The following CFD variants were observed in gnomAD, a reference collection of about 807,000 sequenced individuals.
The protein encoded by CFD is C3 convertase activator.
Under a neutral mutation model 21.1 loss-of-function variants are expected in CFD, and 24 were observed. The observed-to-expected ratio is 1.14, with a 90% CI of 0.82 to 1.60. The LOEUF (loss-of-function observed/expected upper bound fraction) is 1.60. Among genes scored for constraint, CFD ranks in the 40% most tolerant of loss-of-function variants. The probability of loss-of-function intolerance (pLI) is 0.00; values close to 1 mark genes in which losing one functional copy is unlikely to be tolerated. For synonymous variants in CFD, 242 were observed against 175.9 expected (o/e 1.38, Z -2.97); for missense variants, 535 against 383.3 (o/e 1.40, Z -3.31).
rs1414578072 is a variant in CFD at position 863,089 on chromosome 19, C to T, written c.616-3C>T. ...CCCTCACGGCCCCGTCCTGTTCCGG[C>T]AGGGTGACTCCGGGGGCCCGCTGGT... On this transcript the variant is annotated splice_region_variant and splice_polypyrimidine_tract_variant and intron_variant, in intron 4 of 4. Coordinates refer to ENST00000327726, the MANE Select transcript of CFD (RefSeq NM_001928.4). 3 of 1,520,966 alleles carry T rather than the reference C, an allele frequency of 2.0e-6. No homozygotes were observed. Among genetic ancestry groups the T allele is most frequent in the Non-Finnish European group, 2.6e-6 (3 of 1,135,484 alleles). 94.2% of individuals were successfully genotyped at this position (1,520,966 alleles called of 1,614,324 possible).
intron 4 of CFD, 66 bp downstream of exon 4, chr19:862,022 C>CGGGAA (rs1179015549): frequency 4.1e-6 from 6 of 1,475,502 alleles, no homozygotes; most frequent in Non-Finnish European, 4.5e-6. Flanking sequence ...GCAGAGGGAG[C>CGGGAA]GCGAAGCGGG....
At position 861,911 on chromosome 19, in the gene CFD, C is replaced by A; in HGVS notation, c.570C>A (p.Thr190=). Residue 190 remains threonine, a synonymous_variant, in exon 4 of 5, where the codon ACC becomes ACA. Transcript: ENST00000327726. ...NRRTHHDGAI[T]ERLMCAESNR... The stretch of plus-strand genomic sequence containing the variant: ...GCACGCACCACGACGGCGCCATCAC[C>A]GAGCGCTTGATGTGCGCGGAGAGCA... 1 of 1,574,138 alleles carries A rather than the reference C, an allele frequency of 6.4e-7. No individual in the cohort carries two copies. Among genetic ancestry groups the A allele is most frequent in the Non-Finnish European group, 8.6e-7 (1 of 1,167,254 alleles).
In CFD at chr19:860,503, G is replaced by T; in HGVS notation, c.56-114G>T. Reference sequence around the variant, plus strand: ...TTACAGGCGTGAGCCACCGCGCCCAGAGATGGGATTCTTGCGGGGAGCGGC... The same window carrying T: ...TTACAGGCGTGAGCCACCGCGCCCATAGATGGGATTCTTGCGGGGAGCGGC... On this transcript the variant is annotated intron_variant, in intron 1 of 4. Coordinates refer to ENST00000327726, the MANE Select transcript of CFD (RefSeq NM_001928.4). 5 of 982,182 alleles carry T rather than the reference G, an allele frequency of 5.1e-6. No homozygotes were observed. In the South Asian group the frequency reaches 1.0e-4, roughly 21 times the overall value. The allele number at this position is 982,182 out of a possible 1,614,324, so 60.8% of individuals were successfully genotyped here.
chr19:861,731 G>A lies in CFD; in HGVS notation c.390G>A (p.Val130=), dbSNP rs758032535. The change falls in exon 4 of 5, where the codon GTG becomes GTA. Residue 130 remains valine (V), a synonymous_variant. Coordinates refer to ENST00000327726, the MANE Select transcript of CFD (RefSeq NM_001928.4). ...LSEKATLGPA[V]RPLPWQRVDR... ...AGAAGGCCACACTGGGCCCTGCTGT[G>A]CGCCCCCTGCCCTGGCAGCGCGTGG... The A allele has an allele frequency of 5.0e-6, 8 of 1,604,280 alleles. No homozygotes were observed. In the Admixed American group the frequency reaches 6.7e-5, roughly 13 times the overall value.
At chr19:862,054 A>T in intron 4 of CFD, 98 bp downstream of exon 4, 15 of 947,270 alleles carry the variant, frequency 1.6e-5, no homozygotes, top group Non-Finnish European at 1.9e-5. Flanking sequence ...AACAGGGCCC[A>T]GGGAAGGGGC....
chr19:860,122 C>G (rs986150005), intron 1 of CFD, among the ~76,000 whole-genome samples: 87 of 152,194 alleles, frequency 5.7e-4, no homozygotes, highest in African/African-American at 2.1e-3. Context: ...TACTCTGGGG[C>G]ATTCCCGCCC....
chr19:861,011 C>T lies in CFD; in HGVS notation c.357+6C>T. On this transcript the variant is annotated splice_donor_region_variant and intron_variant, in intron 3 of 4. Transcript: ENST00000327726. ...ACGACCTCCTGCTGCTACAGGTCGG[C>T]CCCGTGTAGCGCAGTCCCTCCTGCG... The T allele has an allele frequency of 1.9e-6, 3 of 1,597,334 alleles. No individual in the cohort carries two copies. In the South Asian group the frequency reaches 3.3e-5, roughly 18 times the overall value.
At position 862,943 on chromosome 19, in the gene CFD, C is replaced by T. The variant is rs1365574016; in HGVS notation, c.616-149C>T. 5.0e-5 allele frequency: 39 copies of T among 773,722 alleles called. No individual in the cohort carries two copies. In the East Asian group the frequency reaches 9.6e-4, roughly 19 times the overall value. 47.9% of individuals were successfully genotyped at this position (773,722 alleles called of 1,614,324 possible). A position where few individuals can be genotyped will look rare whatever the true frequency, so the allele number is the denominator to read the frequency against. ...GTTGTGGCCTAGGCGATAGGCGTGGCGCGGGGCTATTGACTAGTGAAGACC... is the reference window on the plus strand; with the variant it reads ...GTTGTGGCCTAGGCGATAGGCGTGGTGCGGGGCTATTGACTAGTGAAGACC... On this transcript the variant is annotated intron_variant, in intron 4 of 4. Transcript: ENST00000327726.
At chr19:859,779 C>G (rs1023274077) in intron 1 of CFD, 35 bp downstream of exon 1, 5 of 1,513,910 alleles carry the variant, frequency 3.3e-6, no homozygotes, top group Non-Finnish European at 4.5e-6. Flanking sequence ...AGGGACAGGG[C>G]TGTGTAGGGG....
Position 863,291 on chromosome 19 carries a change from G to A in CFD, c.*53G>A. ...CCCAAGCAACAAAGTCCCGAGCAAT[G>A]AAGTCATCCACTCCTGCATCTGGTT... On this transcript the variant is annotated 3_prime_UTR_variant, in exon 5 of 5. Transcript: ENST00000327726. 6.5e-7 allele frequency: 1 copy of A among 1,538,740 alleles called. No homozygotes were observed. The highest frequency in any genetic ancestry group is 1.2e-5 in the South Asian group (1 of 84,260).
chr19:860,705 G>T lies in CFD; in HGVS notation c.144G>T (p.Ala48=), dbSNP rs1391309147. The T allele has an allele frequency of 3.2e-6, 5 of 1,556,740 alleles. No individual in the cohort carries two copies. The Admixed American group carries it at 9.2e-5, about 29-fold the overall frequency. ...TGGCGTCGGTGCAGCTGAACGGCGC[G>T]CACCTGTGCGGCGGCGTCCTGGTGG... The part of the protein sequence containing the change: ...PYMASVQLNG[A]HLCGGVLVAE... Residue 48 remains alanine, a synonymous_variant, in exon 2 of 5, where the codon GCG becomes GCT. Coordinates refer to ENST00000327726, the MANE Select transcript of CFD (RefSeq NM_001928.4).
rs183890975 is a variant in CFD at position 861,356 on chromosome 19, C to A, written c.358-343C>A. On this transcript the variant is annotated intron_variant, in intron 3 of 4. Transcript: ENST00000327726. ...ACCCTCACCCCGGGTCCAGCCTCGA[C>A]CTCTCCTGCTGCATGGGGACCCCGC... 2.1e-3 allele frequency among the ~76,000 whole-genome samples: 91 copies of A among 43,554 alleles called. 1 individual carries two copies. The highest frequency in any genetic ancestry group is 4.3e-3 in the African/African-American group (72 of 16,610). The allele number at this position is 43,554 out of a possible 152,430, so 28.6% of individuals were successfully genotyped here. A position where few individuals can be genotyped will look rare whatever the true frequency, so the allele number is the denominator to read the frequency against.
In CFD at chr19:860,923, A is replaced by G. The variant is rs779202734; in HGVS notation, c.275A>G (p.Lys92Arg). 67 of 1,599,994 alleles carry G rather than the reference A, an allele frequency of 4.2e-5. No homozygotes were observed. The highest frequency in any genetic ancestry group is 5.5e-5 in the Non-Finnish European group (65 of 1,178,536). Reference protein sequence around the residue: ...AHSLSQPEPSKRLYDVLRAVP... With the variant: ...AHSLSQPEPSRRLYDVLRAVP... ...TCCCTGTCGCAGCCGGAGCCCTCCA[A>G]GCGCCTGTACGACGTGCTCCGCGCA... The change falls in exon 3 of 5, where the codon AAG (lysine) becomes AGG (arginine). Residue 92 changes from lysine (K) to arginine (R), a missense_variant. By Grantham distance (26) the Lys-to-Arg change is conservative. Coordinates refer to ENST00000327726, the MANE Select transcript of CFD (RefSeq NM_001928.4).
intron 1 of CFD, among the ~76,000 whole-genome samples, chr19:860,197 CT>C (rs564736651): frequency 6.0e-4 from 87 of 145,844 alleles, no homozygotes; most frequent in Middle Eastern, 3.6e-3. Flanking sequence ...TTTTTTCTTT[CT>C]TTTTTTTTTT....
At chr19:859,794 G>GTGC in intron 1 of CFD, 50 bp downstream of exon 1, 1 of 1,427,088 alleles carries the variant, frequency 7.0e-7, no homozygotes, top group Non-Finnish European at 9.7e-7. Context: ...TAGGGGCGTG[G>GTGC]TGCTCCCTTC....
intron 4 of CFD, 50 bp from the exon 5 acceptor site, chr19:863,042 G>C (rs1426995304): frequency 4.7e-6 from 7 of 1,475,594 alleles, no homozygotes; most frequent in South Asian, 2.6e-5. Flanking sequence ...TAACACGTGA[G>C]GCCGGGGTGG....
Position 863,285 on chromosome 19 carries a change from A to G in CFD, c.*47A>G. On this transcript the variant is annotated 3_prime_UTR_variant, in exon 5 of 5. Transcript: ENST00000327726. ...GGGTCACCCAAGCAACAAAGTCCCG[A>G]GCAATGAAGTCATCCACTCCTGCAT... 1.9e-6 allele frequency: 3 copies of G among 1,541,446 alleles called. No individual in the cohort carries two copies. The highest frequency in any genetic ancestry group is 1.4e-5 in the African/African-American group (1 of 73,818).
Position 861,775 on chromosome 19 carries a change from G to A in CFD, c.434G>A (p.Gly145Glu). The A allele has an allele frequency of 6.2e-7, 1 of 1,605,904 alleles. No individual in the cohort carries two copies. Among genetic ancestry groups the A allele is most frequent in the Non-Finnish European group, 8.5e-7 (1 of 1,178,984 alleles). The change falls in exon 4 of 5, where the codon GGA (glycine) becomes GAA (glutamate). Residue 145 changes from glycine (G) to glutamate (E), a missense_variant. Physicochemically the swap from Gly to Glu is moderately conservative, Grantham distance 98. Coordinates refer to ENST00000327726, the MANE Select transcript of CFD (RefSeq NM_001928.4). Reference protein sequence around the residue: ...WQRVDRDVAPGTLCDVAGWGI... With the variant: ...WQRVDRDVAPETLCDVAGWGI... ...CGCGTGGACCGCGACGTGGCACCGG[G>A]AACTCTCTGCGACGTGGCCGGCTGG...
chr19:861,997 C>A (rs932221209), intron 4 of CFD, 41 bp downstream of exon 4: 1 of 1,513,534 alleles, frequency 6.6e-7, no homozygotes, highest in South Asian at 1.2e-5. Flanking sequence ...GGCCTGCAGG[C>A]CCCGGGAAGG....
Sources: allele counts gnomAD v4.1 joint callset (sites outside exome capture counted in the v4.1 genomes callset), GRCh38; gene constraint gnomAD v4.1.1; transcripts MANE v1.5; gene names NCBI Gene and HGNC (gene_info 2026-07-23, HGNC 2026-07-21).